IL1RL2: variants seen among roughly 807,000 people sequenced by gnomAD.
IL1RL2 encodes the protein interleukin-1 receptor-like 2.
Under a neutral mutation model 66.8 loss-of-function variants are expected in IL1RL2, and 68 were observed. The observed-to-expected ratio is 1.02, with a 90% confidence interval of 0.84 to 1.25. The LOEUF is 1.25. Ranked by LOEUF, IL1RL2 falls within the 50% of genes most tolerant of loss-of-function variation. The pLI is 0.00. For missense variants in IL1RL2, 729 were observed against 709.3 expected, an observed-to-expected ratio of 1.03 and a Z score of -0.32; for synonymous variants, 305 against 264.6, an observed-to-expected ratio of 1.15 and a Z score of -1.48.
rs1215422441 is a variant in IL1RL2 at position 102,218,951 on chromosome 2, A to G, written c.725-2A>G. On this transcript the variant is annotated splice_acceptor_variant, in intron 6 of 11. Coordinates refer to ENST00000264257, the MANE Select transcript of IL1RL2 (RefSeq NM_003854.4). LOFTEE classifies it high-confidence loss of function. ...AATATTGATGATATTGGTTTTTTTT[A>G]GGTACCACTCTGATTGTGGACTGCA... is the stretch of plus-strand genomic sequence containing the variant. 11 of 1,601,962 alleles carry G rather than the reference A, an allele frequency of 6.9e-6. No individual in the cohort carries two copies. The highest frequency in any genetic ancestry group is 9.4e-6 in the Non-Finnish European group (11 of 1,174,368).
Position 102,195,651 on chromosome 2 carries a change from CTTTCTTTCTT to C in IL1RL2, c.489+3533_489+3542del, listed in dbSNP as rs1559530517. 1.8e-3 allele frequency among the ~76,000 whole-genome samples: 50 copies of C among 27,236 alleles called. No homozygotes were observed. The East Asian group carries it at 0.021, about 11-fold the overall frequency. 17.9% of individuals were successfully genotyped at this position (27,236 alleles called of 152,430 possible). On this transcript the variant is annotated intron_variant, in intron 4 of 11. Coordinates refer to ENST00000264257, the MANE Select transcript of IL1RL2 (RefSeq NM_003854.4). ...TTTCTCTCTCTCTCTCTCTCTCTTTCTTTCTTTCTTTCTTTCTTTCTTTCTTTCTTTCTTC... is the reference window on the plus strand; with the variant it reads ...TTTCTCTCTCTCTCTCTCTCTCTTTCTCTTTCTTTCTTTCTTTCTTTCTTC...
Position 102,225,938 on chromosome 2 carries a change from C to T in IL1RL2, c.1032C>T (p.Ala344=), listed in dbSNP as rs753108928. 2.5e-6 allele frequency: 4 copies of T among 1,606,818 alleles called. No individual in the cohort carries two copies. In the African/African-American group the frequency reaches 4.0e-5, roughly 16 times the overall value. ...CTTACTTGATAGGAGGGCTTATCGC[C>T]TTGGTGGCTGTGGCTGTGTCTGTTG... ...FRAYLIGGLI[A]LVAVAVSVVY... is the part of the protein sequence containing the mutation. The change falls in exon 9 of 12, where the codon GCC becomes GCT. Residue 344 remains alanine, a synonymous_variant. Transcript: ENST00000264257.
At chr2:102,228,156 A>G (rs1415383039) in intron 9 of IL1RL2, among the ~76,000 whole-genome samples, 1 of 152,078 alleles carries the variant, frequency 6.6e-6, no homozygotes, top group Non-Finnish European at 1.5e-5. Flanking sequence ...GCATTTTGTG[A>G]TGAAATTCTC....
intron 5 of IL1RL2, among the ~76,000 whole-genome samples, chr2:102,211,602 A>G (rs1219788692): frequency 6.6e-6 from 1 of 152,182 alleles, no homozygotes; most frequent in Non-Finnish European, 1.5e-5. Context: ...CAAAAACATG[A>G]TATGTATTTT....
intron 6 of IL1RL2, among the ~76,000 whole-genome samples, chr2:102,215,187 C>T (rs1670891668): frequency 6.6e-6 from 1 of 152,196 alleles, no homozygotes; most frequent in Admixed American, 6.5e-5. Flanking sequence ...GCCTGGAGTT[C>T]TCATGGCTAT....
intron 4 of IL1RL2, among the ~76,000 whole-genome samples, chr2:102,194,940 A>T (rs7606834): frequency 0.053 from 8,002 of 152,104 alleles, 566 homozygotes; most frequent in African/African-American, 0.16. Flanking sequence ...CAAATAATAA[A>T]TATTTTAGGC....
At position 102,222,808 on chromosome 2, in the gene IL1RL2, C is replaced by T. The variant is rs543279551; in HGVS notation, c.991+2791C>T. Among the ~76,000 whole-genome samples, 9 of 152,292 alleles carry T rather than the reference C, an allele frequency of 5.9e-5. No individual in the cohort carries two copies. The South Asian group carries it at 1.9e-3, about 32-fold the overall frequency. On this transcript the variant is annotated intron_variant, in intron 8 of 11. Coordinates refer to ENST00000264257, the MANE Select transcript of IL1RL2 (RefSeq NM_003854.4). ...TAGGCCAGAGACAGAGACTCAGGGT[C>T]CACCCCAGAGAAAAGAGAAGCTGTT...
chr2:102,221,453 T>A (rs1045191348), intron 8 of IL1RL2, among the ~76,000 whole-genome samples: 1 of 152,168 alleles, frequency 6.6e-6, no homozygotes, highest in Non-Finnish European at 1.5e-5. Context: ...GAAAGCATGT[T>A]TAAACTCTCC....
chr2:102,221,550 T>A (rs1215372924), intron 8 of IL1RL2, among the ~76,000 whole-genome samples: 2 of 152,204 alleles, frequency 1.3e-5, no homozygotes, highest in Non-Finnish European at 2.9e-5. Context: ...GGGGTCATTT[T>A]ATGCCTTCCC....
At chr2:102,242,266 G>C (rs1436585889), downstream of IL1RL2, among the ~76,000 whole-genome samples, 1 of 152,122 alleles carries the variant, frequency 6.6e-6, no homozygotes, top group Non-Finnish European at 1.5e-5. Context: ...TATCCTTTTG[G>C]TGTATATATG....
intron 3 of IL1RL2, 67 bp downstream of exon 3, chr2:102,189,377 T>A: frequency 1.1e-6 from 1 of 952,276 alleles, no homozygotes; most frequent in Non-Finnish European, 1.5e-6. Context: ...GGAAAATTCT[T>A]AACGAACATA....
intron 1 of IL1RL2, 118 bp from the exon 2 acceptor site, chr2:102,187,738 A>C (rs1686812239): frequency 1.2e-6 from 1 of 869,306 alleles, no homozygotes; most frequent in Non-Finnish European, 1.9e-6. Context: ...CTCCCCAGGA[A>C]AAAGGGAAGG....
At chr2:102,235,362 C>T (rs1015819014) in intron 11 of IL1RL2, 85 bp downstream of exon 11, 28 of 1,539,550 alleles carry the variant, frequency 1.8e-5, no homozygotes, top group African/African-American at 8.2e-5. Flanking sequence ...GAGGAGGACA[C>T]GTTTCATCGG....
intron 6 of IL1RL2, among the ~76,000 whole-genome samples, 173 bp downstream of exon 6, chr2:102,212,347 G>C (rs183544992): frequency 6.6e-6 from 1 of 152,304 alleles, no homozygotes. Context: ...AAACACCAGA[G>C]AGCCGAAGCA....
At chr2:102,221,398 C>G (rs974814008) in intron 8 of IL1RL2, among the ~76,000 whole-genome samples, 1 of 152,148 alleles carries the variant, frequency 6.6e-6, no homozygotes, top group Admixed American at 6.5e-5. Flanking sequence ...GACAGCTCTG[C>G]GTTTCCAGCT....
At chr2:102,207,963 T>A (rs1290403447) in intron 5 of IL1RL2, among the ~76,000 whole-genome samples, 1 of 152,190 alleles carries the variant, frequency 6.6e-6, no homozygotes, top group African/African-American at 2.4e-5. Flanking sequence ...AAATGTTCCC[T>A]CCATGAGCCC....
chr2:102,209,321 CAG>C (rs1384140468), intron 5 of IL1RL2, among the ~76,000 whole-genome samples: 1 of 152,094 alleles, frequency 6.6e-6, no homozygotes, highest in Non-Finnish European at 1.5e-5. Flanking sequence ...GAGCCACAGA[CAG>C]TGTTTGCGGA....
At chr2:102,219,723 T>C (rs144156316) in intron 7 of IL1RL2, among the ~76,000 whole-genome samples, 158 bp from the exon 8 acceptor site, 1 of 152,292 alleles carries the variant, frequency 6.6e-6, no homozygotes, top group African/African-American at 2.4e-5. Flanking sequence ...GAATATACAA[T>C]CTACAAACCT....
At chr2:102,234,752 A>T in intron 10 of IL1RL2, 145 bp from the exon 11 acceptor site, 1 of 707,882 alleles carries the variant, frequency 1.4e-6, no homozygotes, top group South Asian at 1.9e-5. Context: ...GCATCCCTGC[A>T]CTCCAACCTG....
Sources: gnomAD v4.1 joint callset for allele counts (sites outside exome capture counted in the v4.1 genomes callset) on GRCh38, gnomAD v4.1.1 for gene constraint, MANE v1.5 for transcripts, NCBI Gene and HGNC (gene_info 2026-07-23, HGNC 2026-07-21) for gene names.